Variants in ZNF66 observed in about 807,000 individuals in gnomAD.
ZNF66 encodes the protein zinc finger protein 66, also known as putative zinc finger protein 66.
ZNF66 carries 32 observed loss-of-function variants against 35.2 expected under a neutral mutation model. The ratio of observed to expected loss-of-function variants is 0.91; its 90% CI spans 0.69 to 1.22. The LOEUF is 1.22. ZNF66 is among the 50% of genes most tolerant of loss of function. The probability of loss-of-function intolerance (pLI) is 0.00; values close to 1 mark genes in which losing one functional copy is unlikely to be tolerated. For synonymous variants in ZNF66, 231 were observed against 181.3 expected, an observed-to-expected ratio of 1.27 and a Z score of -2.20; for missense variants, 666 against 543.1, an observed-to-expected ratio of 1.23 and a Z score of -2.25.
chr19:20,792,712 AATTT>A (rs147158272), intron 2 of ZNF66, 74 bp downstream of exon 2: 26,997 of 882,752 alleles, frequency 0.031, 460 homozygotes, highest in African/African-American at 0.037. Flanking sequence ...GAATGTTAGT[AATTT>A]ATTCTTTTTA....
intron 1 of ZNF66, among the ~76,000 whole-genome samples, chr19:20,785,386 G>C (rs1249569222): frequency 6.6e-6 from 1 of 152,224 alleles, no homozygotes; most frequent in Non-Finnish European, 1.5e-5. Context: ...GTAGCAGAGT[G>C]AAAGCCTACC....
rs1457193343 is a variant in ZNF66 at position 20,808,832 on chromosome 19, C to G, written c.*1510C>G. 6.6e-6 allele frequency among the ~76,000 whole-genome samples: 1 copy of G among 152,154 alleles called. No individual in the cohort carries two copies. The highest frequency in any genetic ancestry group is 2.4e-5 in the African/African-American group (1 of 41,430). ...ACACAGTTCCCCACCAGCAACAGAA[C>G]AAAGCTGGATGGAGAATGACTTTGA... is the stretch of plus-strand genomic sequence containing the variant. On this transcript the variant is annotated 3_prime_UTR_variant, in exon 4 of 4. Transcript: ENST00000344519.
Position 20,805,831 on chromosome 19 carries a change from G to A in ZNF66, c.231G>A (p.Leu77=), listed in dbSNP as rs6511163. 0.4 allele frequency: 226,660 copies of A among 560,326 alleles called. 47,507 individuals are homozygous for A. Among genetic ancestry groups the A allele is most frequent in the East Asian group, 0.47 (16,456 of 35,208 alleles). 34.7% of individuals were successfully genotyped at this position (560,326 alleles called of 1,614,324 possible). A position where few individuals can be genotyped will look rare whatever the true frequency, so the allele number is the denominator to read the frequency against. ...TGTTTTTATGGTTTCTTTCAGTTTTGTGTTCTCATTTTAACCAAGACCTTT... is the reference window on the plus strand; with the variant it reads ...TGTTTTTATGGTTTCTTTCAGTTTTATGTTCTCATTTTAACCAAGACCTTT... ...RHEMVANPSV[L]CSHFNQDLWP... Residue 77 remains leucine, a synonymous_variant, in exon 4 of 4, where the codon TTG becomes TTA. Coordinates refer to ENST00000344519, the MANE Select transcript of ZNF66 (RefSeq NM_001355197.2).
Position 20,779,511 on chromosome 19 carries a change from C to G in ZNF66, c.3+3061C>G, listed in dbSNP as rs560021990. ...CAGGAGCCTGAGGGAGGGAAATAAA[C>G]TTAAGAAAAGTATGATTAAGAAATA... On this transcript the variant is annotated intron_variant, in intron 1 of 3. Coordinates refer to ENST00000344519, the MANE Select transcript of ZNF66 (RefSeq NM_001355197.2). Among the ~76,000 whole-genome samples, 10 of 151,668 alleles carry G rather than the reference C, an allele frequency of 6.6e-5. No homozygotes were observed. In the South Asian group the frequency reaches 1.9e-3, roughly 28 times the overall value.
chr19:20,780,974 C>T (rs536181427), intron 1 of ZNF66, among the ~76,000 whole-genome samples: 2 of 152,298 alleles, frequency 1.3e-5, no homozygotes, highest in South Asian at 2.1e-4. Flanking sequence ...TTCACCACAG[C>T]ATTTTTGACC....
chr19:20,798,285 T>C (rs1971414186), intron 3 of ZNF66, among the ~76,000 whole-genome samples: 1 of 152,120 alleles, frequency 6.6e-6, no homozygotes, highest in Non-Finnish European at 1.5e-5. Flanking sequence ...AAATTTACCA[T>C]CTTAAATCTA....
chr19:20,792,379 T>C (rs1971346051), intron 1 of ZNF66, 133 bp from the exon 2 acceptor site: 1 of 804,938 alleles, frequency 1.2e-6, no homozygotes, highest in East Asian at 3.0e-5. Flanking sequence ...TGTTGAAAAT[T>C]ATTTTATAGG....
intron 1 of ZNF66, among the ~76,000 whole-genome samples, chr19:20,777,420 A>G (rs999397757): frequency 6.1e-5 from 9 of 148,276 alleles, no homozygotes; most frequent in Non-Finnish European, 1.2e-4. Context: ...CCCCTAATGT[A>G]GTAATTTGCC....
At position 20,807,082 on chromosome 19, in the gene ZNF66, T is replaced by C; in HGVS notation, c.1482T>C (p.Ser494=). 1 of 794,008 alleles carries C rather than the reference T, an allele frequency of 1.3e-6. No individual in the cohort carries two copies. Among genetic ancestry groups the C allele is most frequent in the Non-Finnish European group, 2.3e-6 (1 of 441,240 alleles). The allele number at this position is 794,008 out of a possible 1,614,324, so 49.2% of individuals were successfully genotyped here. A position where few individuals can be genotyped will look rare whatever the true frequency, so the allele number is the denominator to read the frequency against. ...GTGGCAAGGCCTTTAAGTGCTCCTC[T>C]ATTCTTACTACACATAAGAGAATTC... The part of the protein sequence containing the change: ...EECGKAFKCS[S]ILTTHKRIHT... The change falls in exon 4 of 4, where the codon TCT becomes TCC. Residue 494 remains serine (S), a synonymous_variant. Coordinates refer to ENST00000344519, the MANE Select transcript of ZNF66 (RefSeq NM_001355197.2).
rs1225838368 is a variant in ZNF66 at position 20,784,578 on chromosome 19, T to A, written c.4-7934T>A. 9 of 152,204 alleles carry A rather than the reference T, an allele frequency of 5.9e-5. No homozygotes were observed. In the East Asian group the frequency reaches 1.7e-3, roughly 29 times the overall value. The allele number at this position is 152,204 out of a possible 1,614,324, so 9.4% of individuals were successfully genotyped here. A position where few individuals can be genotyped will look rare whatever the true frequency, so the allele number is the denominator to read the frequency against. On this transcript the variant is annotated intron_variant, in intron 1 of 3. Coordinates refer to ENST00000344519, the MANE Select transcript of ZNF66 (RefSeq NM_001355197.2). Reference sequence around the variant, plus strand: ...AATATATTCCACTATACGAACACAATCAGATTCTATTTCTTCATCAAAAAG... The same window carrying A: ...AATATATTCCACTATACGAACACAAACAGATTCTATTTCTTCATCAAAAAG...
chr19:20,807,099 A>G lies in ZNF66; in HGVS notation c.1499A>G (p.Lys500Arg), dbSNP rs1445355783. ...TGCTCCTCTATTCTTACTACACATA[A>G]GAGAATTCATACTGCAGATAAACCC... ...FKCSSILTTH[K>R]RIHTADKPYK... Residue 500 changes from lysine (K) to arginine (R), a missense_variant, in exon 4 of 4, where the codon AAG becomes AGG. Coordinates refer to ENST00000344519, the MANE Select transcript of ZNF66 (RefSeq NM_001355197.2). 2.5e-6 allele frequency: 2 copies of G among 795,736 alleles called. No individual in the cohort carries two copies. 49.3% of individuals were successfully genotyped at this position (795,736 alleles called of 1,614,324 possible). A position where few individuals can be genotyped will look rare whatever the true frequency, so the allele number is the denominator to read the frequency against.
At chr19:20,802,011 G>A (rs955754184) in intron 3 of ZNF66, among the ~76,000 whole-genome samples, 5 of 150,360 alleles carry the variant, frequency 3.3e-5, no homozygotes, top group African/African-American at 1.2e-4. Context: ...TTTACTATTA[G>A]TAAAATTAGT....
chr19:20,778,137 C>T (rs7259970), intron 1 of ZNF66, among the ~76,000 whole-genome samples: 119,228 of 152,108 alleles, frequency 0.78, 46,999 homozygotes, highest in Non-Finnish European at 0.83. Flanking sequence ...AGTCTCACTC[C>T]GTCACCAGGT....
chr19:20,805,126 T>TGTGTGTGTGTGTGTGTGAGAGAGA (rs752355466), intron 3 of ZNF66, among the ~76,000 whole-genome samples: 7 of 145,980 alleles, frequency 4.8e-5, no homozygotes, highest in African/African-American at 1.8e-4. Context: ...TGTGTGTGTG[T>TGTGTGTGTGTGTGTGTGAGAGAGA]GAGAGAGAGA....
chr19:20,803,204 A>G (rs767728487), intron 3 of ZNF66, among the ~76,000 whole-genome samples: 13 of 139,160 alleles, frequency 9.3e-5, no homozygotes, highest in Admixed American at 7.1e-4. Context: ...ATGTCTCTTG[A>G]TTTGGAGAGA....
chr19:20,805,122 T>TGA lies in ZNF66; in HGVS notation c.227-704_227-703insAG, dbSNP rs1410372242. Among the ~76,000 whole-genome samples, 136 of 143,788 alleles carry TGA rather than the reference T, an allele frequency of 9.5e-4. No individual in the cohort carries two copies. The Middle Eastern group carries it at 0.011, about 12-fold the overall frequency. The allele number at this position is 143,788 out of a possible 152,430, so 94.3% of individuals were successfully genotyped here. A position where few individuals can be genotyped will look rare whatever the true frequency, so the allele number is the denominator to read the frequency against. On this transcript the variant is annotated intron_variant, in intron 3 of 3. Transcript: ENST00000344519. ...CAATTTACATTTGTGTGTGTGTGTG[T>TGA]GTGTGAGAGAGAGAGAGAGAGAGAG...
intron 1 of ZNF66, among the ~76,000 whole-genome samples, chr19:20,782,955 G>A (rs1456404875): frequency 6.6e-6 from 1 of 152,056 alleles, no homozygotes; most frequent in East Asian, 1.9e-4. Flanking sequence ...TGTTTCTTAG[G>A]TTATCGTGCA....
intron 1 of ZNF66, among the ~76,000 whole-genome samples, chr19:20,788,650 G>A (rs145216815): frequency 9.2e-5 from 14 of 152,004 alleles, no homozygotes; most frequent in East Asian, 1.9e-4. Context: ...TGATCTACCC[G>A]CGTCATCCTC....
intron 1 of ZNF66, among the ~76,000 whole-genome samples, chr19:20,781,049 T>A (rs1319656853): frequency 6.6e-6 from 1 of 152,190 alleles, no homozygotes; most frequent in Non-Finnish European, 1.5e-5. Context: ...CATCCACAGA[T>A]GCTAAATCTG....
Sources: gnomAD v4.1 joint callset for allele counts (sites outside exome capture counted in the v4.1 genomes callset) on GRCh38, gnomAD v4.1.1 for gene constraint, MANE v1.5 for transcripts, NCBI Gene and HGNC (gene_info 2026-07-23, HGNC 2026-07-21) for gene names.